ITGA9: variants seen among roughly 807,000 people sequenced by gnomAD.
The protein encoded by ITGA9 is integrin alpha-9.
ITGA9 carries 56 observed loss-of-function variants against 127.8 expected under a neutral mutation model. The ratio of observed to expected loss-of-function variants is 0.44; its 90% CI spans 0.35 to 0.55. The LOEUF is 0.55. ITGA9 is among the 20% of genes least tolerant of loss of function. The pLI, the probability that ITGA9 is intolerant of heterozygous loss-of-function variation, is 0.00. For missense variants in ITGA9, 1,196 were observed against 1,347.1 expected (o/e 0.89, Z 1.76); for synonymous variants, 508 against 514.5 (o/e 0.99, Z 0.17).
chr3:37,784,972 C>G lies in ITGA9; in HGVS notation c.2788-5C>G. Reference sequence around the variant, plus strand: ...TTCAAGTAAGTTGTGTTGTTTCTTCCACAGGACAGTTCGTCTGTCATCCAG... The same window carrying G: ...TTCAAGTAAGTTGTGTTGTTTCTTCGACAGGACAGTTCGTCTGTCATCCAG... On this transcript the variant is annotated splice_region_variant and splice_polypyrimidine_tract_variant and intron_variant, in intron 25 of 27. Coordinates refer to ENST00000264741, the MANE Select transcript of ITGA9 (RefSeq NM_002207.3). 6.2e-7 allele frequency: 1 copy of G among 1,611,126 alleles called. No individual in the cohort carries two copies. The highest frequency in any genetic ancestry group is 1.7e-5 in the Admixed American group (1 of 60,002).
intron 9 of ITGA9, among the ~76,000 whole-genome samples, chr3:37,515,141 T>C (rs771868135): frequency 6.6e-6 from 1 of 152,172 alleles, no homozygotes; most frequent in Non-Finnish European, 1.5e-5. Context: ...AAAACGCTTA[T>C]GGAGATAATC....
At chr3:37,694,319 C>G (rs964926778) in intron 18 of ITGA9, among the ~76,000 whole-genome samples, 1 of 152,190 alleles carries the variant, frequency 6.6e-6, no homozygotes, top group African/African-American at 2.4e-5. Flanking sequence ...GGAGCAGGCA[C>G]CCCCAGCCTG....
intron 8 of ITGA9, 62 bp from the exon 9 acceptor site, chr3:37,513,701 C>T (rs532728772): frequency 1.9e-5 from 31 of 1,604,318 alleles, no homozygotes; most frequent in Admixed American, 5.0e-5. Context: ...TGGAGGAAAG[C>T]GAGGGCATCC....
intron 25 of ITGA9, 87 bp downstream of exon 25, chr3:37,780,108 G>C: frequency 6.6e-7 from 1 of 1,518,842 alleles, no homozygotes; most frequent in Non-Finnish European, 9.1e-7. Flanking sequence ...AAGGAAAAAG[G>C]AAAGCATTTG....
At chr3:37,556,129 G>A (rs577412913) in intron 15 of ITGA9, among the ~76,000 whole-genome samples, 2 of 152,190 alleles carry the variant, frequency 1.3e-5, no homozygotes, top group Non-Finnish European at 2.9e-5. Flanking sequence ...GCTTAGCATG[G>A]CAGGGGCTGG....
Position 37,777,486 on chromosome 3 carries a change from C to CT in ITGA9, c.2642dup (p.Thr882HisfsTer11), listed in dbSNP as rs1553668728. ...GAAAATATCTTCCACACAATATTTG[C>CT]TTTTTTCACAAAGTCTGGAAGAAAA... is the stretch of plus-strand genomic sequence containing the variant. On this transcript the variant is annotated frameshift_variant, in exon 24 of 28. Coordinates refer to ENST00000264741, the MANE Select transcript of ITGA9 (RefSeq NM_002207.3). LOFTEE classifies it high-confidence loss of function. 5 of 1,614,132 alleles carry CT rather than the reference C, an allele frequency of 3.1e-6. No individual in the cohort carries two copies. Among genetic ancestry groups the CT allele is most frequent in the Non-Finnish European group, 3.4e-6 (4 of 1,179,990 alleles).
chr3:37,790,381 A>G, intron 26 of ITGA9: 1 of 494,382 alleles, frequency 2.0e-6, no homozygotes, highest in South Asian at 1.5e-5. Context: ...CATCTTGCTG[A>G]TTTCCCATTC....
intron 22 of ITGA9, among the ~76,000 whole-genome samples, chr3:37,746,180 A>G (rs1413895626): frequency 2.6e-5 from 4 of 152,210 alleles, no homozygotes; most frequent in African/African-American, 4.8e-5. Context: ...ATGTTTCTAT[A>G]TTTCCTTATT....
At chr3:37,606,970 CTT>C (rs11306321) in intron 15 of ITGA9, among the ~76,000 whole-genome samples, 6,463 of 103,726 alleles carry the variant, frequency 0.062, 318 homozygotes, top group African/African-American at 0.14. Flanking sequence ...CTCATGGCTC[CTT>C]TTTTTTTTTT....
intron 17 of ITGA9, among the ~76,000 whole-genome samples, chr3:37,675,694 A>G (rs541798351): frequency 1.3e-5 from 2 of 151,958 alleles, no homozygotes; most frequent in African/African-American, 2.4e-5. Flanking sequence ...AAAGCATTTT[A>G]TAAGCAAGTG....
rs375190878 is a variant in ITGA9 at position 37,761,351 on chromosome 3, A to G, written c.2541+10782A>G. Reference sequence around the variant, plus strand: ...TCCACTTTTAGGAACCTGTCTCAAAATTTTCACATAATATATCCAGGAGAA... The same window carrying G: ...TCCACTTTTAGGAACCTGTCTCAAAGTTTTCACATAATATATCCAGGAGAA... On this transcript the variant is annotated intron_variant, in intron 23 of 27. Transcript: ENST00000264741. Among the ~76,000 whole-genome samples the G allele has an allele frequency of 3.9e-5, 6 of 152,208 alleles. No homozygotes were observed. In the East Asian group the frequency reaches 1.2e-3, roughly 29 times the overall value.
chr3:37,581,546 G>A (rs1328500231), intron 15 of ITGA9, among the ~76,000 whole-genome samples: 5 of 152,144 alleles, frequency 3.3e-5, no homozygotes, highest in Admixed American at 6.5e-5. Flanking sequence ...GGACAGACCC[G>A]GTTCTATTTC....
intron 15 of ITGA9, among the ~76,000 whole-genome samples, chr3:37,563,827 G>A (rs1216422225): frequency 6.6e-6 from 1 of 152,178 alleles, no homozygotes; most frequent in Non-Finnish European, 1.5e-5. Context: ...AGTCCCTGGT[G>A]TTTTTGTCAT....
chr3:37,686,751 G>A (rs535971095), intron 18 of ITGA9, among the ~76,000 whole-genome samples: 2 of 152,208 alleles, frequency 1.3e-5, no homozygotes, highest in African/African-American at 4.8e-5. Context: ...TGTGGAGGCA[G>A]GGCCAGCCAG....
chr3:37,672,121 A>G (rs1201627411), intron 17 of ITGA9, among the ~76,000 whole-genome samples: 1 of 152,180 alleles, frequency 6.6e-6, no homozygotes, highest in African/African-American at 2.4e-5. Context: ...GCTGGGCCAG[A>G]CTACTAGGTT....
intron 4 of ITGA9, 72 bp from the exon 5 acceptor site, chr3:37,494,429 T>C: frequency 2.7e-6 from 3 of 1,127,526 alleles, no homozygotes. Flanking sequence ...TGGCTGGCTC[T>C]GCTGGCTCCA....
At chr3:37,638,289 C>A (rs192054200) in intron 16 of ITGA9, among the ~76,000 whole-genome samples, 6 of 151,722 alleles carry the variant, frequency 4.0e-5, no homozygotes, top group African/African-American at 1.5e-4. Context: ...CTCAGTATGG[C>A]GAGGTATGTG....
At chr3:37,614,136 T>G (rs1236497239) in intron 15 of ITGA9, among the ~76,000 whole-genome samples, 6 of 152,066 alleles carry the variant, frequency 3.9e-5, no homozygotes, top group Non-Finnish European at 8.8e-5. Context: ...TGAATTAATT[T>G]TTGTATAAGG....
At chr3:37,763,886 G>A (rs1696749716) in intron 23 of ITGA9, among the ~76,000 whole-genome samples, 1 of 152,150 alleles carries the variant, frequency 6.6e-6, no homozygotes, top group Non-Finnish European at 1.5e-5. Context: ...TACCAAGCCA[G>A]CTCTCTGGGT....
Sources: gnomAD v4.1 joint callset for allele counts (sites outside exome capture counted in the v4.1 genomes callset) on GRCh38, gnomAD v4.1.1 for gene constraint, MANE v1.5 for transcripts, NCBI Gene and HGNC (gene_info 2026-07-23, HGNC 2026-07-21) for gene names.